Variants in ROBO2 observed in about 807,000 individuals in gnomAD.
The protein encoded by ROBO2 is roundabout homolog 2.
In ROBO2, 53 loss-of-function variants were observed where a neutral mutation model predicts 160.8. The ratio of observed to expected loss-of-function variants is 0.33; its 90% CI spans 0.26 to 0.41. The LOEUF (loss-of-function observed/expected upper bound fraction) is 0.41. Ranked by LOEUF, ROBO2 falls within the 10% of genes least tolerant of loss-of-function variation. The probability of loss-of-function intolerance (pLI) is 1.00; values close to 1 mark genes in which losing one functional copy is unlikely to be tolerated. For synonymous variants in ROBO2, 664 were observed against 611.7 expected, an observed-to-expected ratio of 1.09 and a Z score of -1.26; for missense variants, 1,577 against 1,722.4, an observed-to-expected ratio of 0.92 and a Z score of 1.49.
chr3:76,762,514 A>ATT (rs2061365653), intron 2 of ROBO2, among the ~76,000 whole-genome samples: 4 of 149,802 alleles, frequency 2.7e-5, no homozygotes, highest in Middle Eastern at 3.5e-3. Flanking sequence ...TATACTCAGT[A>ATT]TTTACATGGA....
At chr3:77,541,786 A>G (rs970452125) in intron 6 of ROBO2, among the ~76,000 whole-genome samples, 1 of 152,208 alleles carries the variant, frequency 6.6e-6, no homozygotes, top group Non-Finnish European at 1.5e-5. Flanking sequence ...CAGGTTTTAG[A>G]CAGAATATAA....
At chr3:76,655,870 T>A (rs1328037988) in intron 2 of ROBO2, among the ~76,000 whole-genome samples, 1 of 151,942 alleles carries the variant, frequency 6.6e-6, no homozygotes, top group African/African-American at 2.4e-5. Flanking sequence ...CACAAAGTTC[T>A]TAAAAATAAA....
At chr3:77,405,947 T>C (rs2076220025) in intron 2 of ROBO2, among the ~76,000 whole-genome samples, 1 of 152,114 alleles carries the variant, frequency 6.6e-6, no homozygotes, top group Non-Finnish European at 1.5e-5. Context: ...AAAGTAGAGG[T>C]ATGAAGTAAA....
intron 2 of ROBO2, among the ~76,000 whole-genome samples, chr3:76,521,973 T>C (rs756818168): frequency 5.3e-5 from 8 of 152,196 alleles, no homozygotes; most frequent in Non-Finnish European, 1.2e-4. Flanking sequence ...GTTTGAGTGA[T>C]CAAATCAGAA....
At chr3:76,335,282 G>A (rs28612893) in intron 2 of ROBO2, among the ~76,000 whole-genome samples, 111,057 of 148,578 alleles carry the variant, frequency 0.75, 43,388 homozygotes, top group Non-Finnish European at 0.87. Context: ...CTGGGTCCAA[G>A]CAATTCTCCT....
intron 2 of ROBO2, among the ~76,000 whole-genome samples, chr3:77,267,323 A>G (rs1381753352): frequency 1.3e-5 from 2 of 152,320 alleles, no homozygotes; most frequent in East Asian, 1.9e-4. Context: ...GCAAAGTACA[A>G]TAGTCCAGAA....
chr3:77,550,839 C>G, exon 8 of ROBO2: 2 of 1,612,988 alleles, frequency 1.2e-6, no homozygotes, highest in Non-Finnish European at 8.5e-7. Flanking sequence ...CCCAAACCAA[C>G]CCCAGCAGCC....
At chr3:77,173,709 A>G (rs2079859458) in intron 2 of ROBO2, among the ~76,000 whole-genome samples, 1 of 152,156 alleles carries the variant, frequency 6.6e-6, no homozygotes, top group Admixed American at 6.6e-5. Context: ...TAAAAAAATC[A>G]GTTATTGTTA....
At chr3:77,383,743 T>G (rs1345163829) in intron 2 of ROBO2, among the ~76,000 whole-genome samples, 1 of 111,934 alleles carries the variant, frequency 8.9e-6, no homozygotes, top group Admixed American at 1.0e-4. Flanking sequence ...TTGAGAAACT[T>G]AAGATTTAAT....
chr3:76,072,176 A>G (rs1252548979), intron 2 of ROBO2, among the ~76,000 whole-genome samples: 1 of 152,140 alleles, frequency 6.6e-6, no homozygotes, highest in Non-Finnish European at 1.5e-5. Flanking sequence ...ACAATCTAAC[A>G]AAGTTTTCCT....
chr3:76,219,007 C>T (rs569107693), intron 2 of ROBO2, among the ~76,000 whole-genome samples: 5 of 152,156 alleles, frequency 3.3e-5, no homozygotes, highest in South Asian at 2.1e-4. Context: ...GAAGTAATGC[C>T]GCATATCTAC....
chr3:76,292,245 G>C (rs946650581), intron 2 of ROBO2, among the ~76,000 whole-genome samples: 1 of 152,140 alleles, frequency 6.6e-6, no homozygotes, highest in Non-Finnish European at 1.5e-5. Flanking sequence ...AGTCTGCTGT[G>C]CTAAATTTAA....
At chr3:76,583,127 A>G (rs917664088) in intron 2 of ROBO2, among the ~76,000 whole-genome samples, 1 of 152,158 alleles carries the variant, frequency 6.6e-6, no homozygotes, top group Non-Finnish European at 1.5e-5. Flanking sequence ...GAGTGCCAGG[A>G]GGCAAAACAT....
rs552359018 is a variant in ROBO2, at chr3:77,394,543, C to T, written c.389-82871C>T. On this transcript the variant is annotated intron_variant, in intron 2 of 25. Coordinates refer to ENST00000461745, the Ensembl canonical transcript of ROBO2. ...TTGTTTTGTGCTCAGATGAGTTTTG[C>T]GTCTTCATTTCTCTTTCTTGCAATA... 7.2e-5 allele frequency among the ~76,000 whole-genome samples: 11 copies of T among 152,124 alleles called. No homozygotes were observed. The East Asian group carries it at 1.4e-3, about 19-fold the overall frequency.
rs189380962 is a variant in ROBO2, at chr3:76,773,482, T to C, written c.110-324532T>C. On this transcript the variant is annotated intron_variant, in intron 2 of 26. Transcript: ENST00000487694. ...ACCTTTCTGCCTGGGTCTTTCCTGCTTCTTCATTAACATATGTCATTCCTG... is the reference window on the plus strand; with the variant it reads ...ACCTTTCTGCCTGGGTCTTTCCTGCCTCTTCATTAACATATGTCATTCCTG... 7.9e-5 allele frequency among the ~76,000 whole-genome samples: 12 copies of C among 151,112 alleles called. No individual in the cohort carries two copies. The South Asian group carries it at 8.3e-4, about 10-fold the overall frequency.
At chr3:76,534,945 G>T (rs1008219060) in intron 2 of ROBO2, among the ~76,000 whole-genome samples, 1 of 151,974 alleles carries the variant, frequency 6.6e-6, no homozygotes, top group Non-Finnish European at 1.5e-5. Context: ...AAGGTGGGAG[G>T]CAGATGGGCA....
At chr3:75,976,480 T>C (rs1473585275) in intron 2 of ROBO2, among the ~76,000 whole-genome samples, 1 of 151,484 alleles carries the variant, frequency 6.6e-6, no homozygotes, top group African/African-American at 2.4e-5. Context: ...ACTTATACAA[T>C]GTAGAAAGAA....
chr3:76,827,016 A>G (rs1028577415), intron 2 of ROBO2, among the ~76,000 whole-genome samples: 2 of 152,212 alleles, frequency 1.3e-5, no homozygotes, highest in Admixed American at 6.6e-5. Context: ...AGAGGGTAGC[A>G]CTAGCAAATA....
chr3:76,607,691 T>A (rs1029718420), intron 2 of ROBO2, among the ~76,000 whole-genome samples: 2 of 152,244 alleles, frequency 1.3e-5, no homozygotes, highest in East Asian at 1.9e-4. Flanking sequence ...AGAAAAAAAA[T>A]TTTGTGTTTT....
Sources: allele counts gnomAD v4.1 joint callset (sites outside exome capture counted in the v4.1 genomes callset), GRCh38; gene constraint gnomAD v4.1.1; transcripts MANE v1.5; gene names NCBI Gene and HGNC (gene_info 2026-07-23, HGNC 2026-07-21).